CCDC178: variants seen among roughly 807,000 people sequenced by gnomAD.
The protein encoded by CCDC178 is coiled-coil domain containing 178.
Under a neutral mutation model 117.4 loss-of-function variants are expected in CCDC178, and 126 were observed. That is an observed-to-expected ratio of 1.07 (90% CI 0.93 to 1.24). The LOEUF (loss-of-function observed/expected upper bound fraction) is 1.24, where lower values mean the gene tolerates loss of function less well. Among genes scored for constraint, CCDC178 ranks in the 50% most tolerant of loss-of-function variants. The pLI, the probability that CCDC178 is intolerant of heterozygous loss-of-function variation, is 0.00. For missense variants in CCDC178, 1,030 were observed against 986.9 expected (o/e 1.04, Z -0.59); for synonymous variants, 283 against 313.4 (o/e 0.90, Z 1.02).
intron 11 of CCDC178, among the ~76,000 whole-genome samples, chr18:33,314,149 C>T (rs867195696): frequency 3.7e-4 from 48 of 130,984 alleles, no homozygotes; most frequent in Non-Finnish European, 2.6e-4. Context: ...TGCAGTGAGC[C>T]GAGATCCCGC....
chr18:33,014,346 G>A (rs1247012573), intron 21 of CCDC178, among the ~76,000 whole-genome samples: 1 of 152,192 alleles, frequency 6.6e-6, no homozygotes, highest in Admixed American at 6.5e-5. Context: ...AGTACAATCA[G>A]TAGGAACTGT....
intron 7 of CCDC178, among the ~76,000 whole-genome samples, chr18:33,353,200 G>C (rs2063000713): frequency 6.6e-6 from 1 of 151,834 alleles, no homozygotes; most frequent in African/African-American, 2.4e-5. Context: ...AGCCTATTTT[G>C]TGTGATATTG....
At chr18:33,328,794 C>T (rs1345590928) in intron 10 of CCDC178, among the ~76,000 whole-genome samples, 3 of 152,110 alleles carry the variant, frequency 2.0e-5, no homozygotes, top group Admixed American at 6.5e-5. Flanking sequence ...GGGTTCCTTG[C>T]AATTCCATGT....
At chr18:33,282,525 G>A (rs1568113767) in intron 12 of CCDC178, among the ~76,000 whole-genome samples, 1 of 152,054 alleles carries the variant, frequency 6.6e-6, no homozygotes, top group Non-Finnish European at 1.5e-5. Context: ...TTGCTTATAG[G>A]GCAGTCTCGA....
At chr18:33,303,624 C>T (rs2062209396) in intron 11 of CCDC178, among the ~76,000 whole-genome samples, 2 of 151,586 alleles carry the variant, frequency 1.3e-5, no homozygotes, top group Non-Finnish European at 2.9e-5. Context: ...TCTAAACTTT[C>T]CACCCAATTT....
In CCDC178 at chr18:33,366,991, A is replaced by C. The variant is rs1016872972; in HGVS notation, c.348+3059T>G. On this transcript the variant is annotated intron_variant, in intron 6 of 22. Coordinates refer to ENST00000383096, the MANE Select transcript of CCDC178 (RefSeq NM_001105528.4). ...AGTGGCAAAAATGTTGAGAAGAAAT[A>C]TCCCTTTTCTGCATTTCCCTCAGAC... is the stretch of plus-strand genomic sequence containing the variant. Among the ~76,000 whole-genome samples the C allele has an allele frequency of 1.4e-4, 21 of 152,212 alleles. No homozygotes were observed. In the East Asian group the frequency reaches 4.1e-3, roughly 29 times the overall value.
chr18:33,154,746 T>A (rs1279017276), intron 20 of CCDC178, among the ~76,000 whole-genome samples: 3 of 152,136 alleles, frequency 2.0e-5, no homozygotes. Flanking sequence ...GAATTCAATG[T>A]GTTTCTAAAA....
Position 33,389,630 on chromosome 18 carries a change from CT to C in CCDC178, c.119-2del. On this transcript the variant is annotated splice_acceptor_variant, in intron 4 of 22. Coordinates refer to ENST00000383096, the MANE Select transcript of CCDC178 (RefSeq NM_001105528.4). LOFTEE classifies it high-confidence loss of function. ...ACCAAACTTTGAGACATGGCATTGC[CT>C]TTTAAAAAGAAAAAATACATATTTT... The C allele has an allele frequency of 1.4e-6, 2 of 1,454,216 alleles. No homozygotes were observed. The highest frequency in any genetic ancestry group is 9.1e-7 in the Non-Finnish European group (1 of 1,093,956). The allele number at this position is 1,454,216 out of a possible 1,614,324, so 90.1% of individuals were successfully genotyped here. A position where few individuals can be genotyped will look rare whatever the true frequency, so the allele number is the denominator to read the frequency against.
Position 33,393,401 on chromosome 18 carries a change from T to G in CCDC178, c.118+3748A>C, listed in dbSNP as rs575697197. Among the ~76,000 whole-genome samples, 22 of 152,268 alleles carry G rather than the reference T, an allele frequency of 1.4e-4. No individual in the cohort carries two copies. In the South Asian group the frequency reaches 4.6e-3, roughly 32 times the overall value. On this transcript the variant is annotated intron_variant, in intron 4 of 22. Coordinates refer to ENST00000383096, the MANE Select transcript of CCDC178 (RefSeq NM_001105528.4). Reference sequence around the variant, plus strand: ...GCATACATGGAAGAAAATGCCACCTTAAATTTATAATTTAATGCATTTTGA... The same window carrying G: ...GCATACATGGAAGAAAATGCCACCTGAAATTTATAATTTAATGCATTTTGA...
At chr18:33,099,321 T>A (rs1265886073) in intron 20 of CCDC178, among the ~76,000 whole-genome samples, 1 of 152,014 alleles carries the variant, frequency 6.6e-6, no homozygotes, top group African/African-American at 2.4e-5. Flanking sequence ...ATTGATCCCA[T>A]CCCAATGAAT....
chr18:33,309,424 GAATT>G (rs1386910730), intron 11 of CCDC178, among the ~76,000 whole-genome samples: 1 of 151,934 alleles, frequency 6.6e-6, no homozygotes, highest in Non-Finnish European at 1.5e-5. Context: ...AAAATTGAAA[GAATT>G]AAATACACAT....
intron 7 of CCDC178, among the ~76,000 whole-genome samples, chr18:33,349,352 T>C (rs1429326825): frequency 6.6e-6 from 1 of 151,910 alleles, no homozygotes; most frequent in African/African-American, 2.4e-5. Flanking sequence ...CAATGTAAAT[T>C]ACAATGAGTA....
intron 21 of CCDC178, among the ~76,000 whole-genome samples, chr18:32,999,663 A>T (rs1373477832): frequency 2.0e-5 from 3 of 152,160 alleles, no homozygotes; most frequent in African/African-American, 7.2e-5. Context: ...TTTGTTTGGG[A>T]GAAAGTAAGG....
At chr18:33,394,961 ATATATATATATATATATATATATATATG>A (rs2063614863) in intron 4 of CCDC178, among the ~76,000 whole-genome samples, 1 of 131,274 alleles carries the variant, frequency 7.6e-6, no homozygotes, top group South Asian at 2.4e-4. Flanking sequence ...ATATATATAT[ATATATATATATATATATATATATATATG>A]TATACATATA....
chr18:33,028,595 ATAAT>A (rs1857469131), intron 21 of CCDC178, among the ~76,000 whole-genome samples: 1 of 151,770 alleles, frequency 6.6e-6, no homozygotes, highest in Non-Finnish European at 1.5e-5. Flanking sequence ...TTGATTACTA[ATAAT>A]TAATGTCTTT....
At chr18:33,390,171 T>C (rs1479212469) in intron 4 of CCDC178, among the ~76,000 whole-genome samples, 2 of 151,452 alleles carry the variant, frequency 1.3e-5, no homozygotes, top group African/African-American at 4.8e-5. Context: ...AAACTGTCAT[T>C]TTTAGAAAGA....
In CCDC178 at chr18:33,266,365, T is replaced by C. The variant is rs372370438; in HGVS notation, c.1409+551A>G. 2.6e-5 allele frequency among the ~76,000 whole-genome samples: 4 copies of C among 151,936 alleles called. No individual in the cohort carries two copies. In the East Asian group the frequency reaches 7.8e-4, roughly 30 times the overall value. On this transcript the variant is annotated intron_variant, in intron 14 of 22. Transcript: ENST00000383096. ...AAATTGTAGTATATATAGGGTTTGG[T>C]ACAATCTGTGGTTTCAGACATTCAC...
At chr18:33,179,002 A>C (rs2058695580) in intron 20 of CCDC178, among the ~76,000 whole-genome samples, 1 of 138,394 alleles carries the variant, frequency 7.2e-6, no homozygotes, top group Non-Finnish European at 1.5e-5. Flanking sequence ...GGCATGTGTT[A>C]GTCCTTCCAG....
intron 20 of CCDC178, among the ~76,000 whole-genome samples, chr18:33,201,373 TC>T (rs754360043): frequency 1.3e-5 from 2 of 152,212 alleles, no homozygotes; most frequent in Non-Finnish European, 2.9e-5. Flanking sequence ...TTACATTTGA[TC>T]TTCTGCCTTC....
Sources: gnomAD v4.1 joint callset for allele counts (sites outside exome capture counted in the v4.1 genomes callset) on GRCh38, gnomAD v4.1.1 for gene constraint, MANE v1.5 for transcripts, NCBI Gene and HGNC (gene_info 2026-07-23, HGNC 2026-07-21) for gene names.